ROBO2: variants seen among roughly 807,000 people sequenced by gnomAD.
The protein encoded by ROBO2 is roundabout homolog 2.
ROBO2 carries 53 observed loss-of-function variants against 160.8 expected under a neutral mutation model. That is an observed-to-expected ratio of 0.33 (90% CI 0.26 to 0.41). The LOEUF is 0.41. Ranked by LOEUF, ROBO2 falls within the 10% of genes least tolerant of loss-of-function variation. The pLI is 1.00. For missense variants in ROBO2, 1,577 were observed against 1,722.4 expected (o/e 0.92, Z 1.49); for synonymous variants, 664 against 611.7 (o/e 1.09, Z -1.26).
chr3:77,133,281 G>A (rs555229256), intron 2 of ROBO2, among the ~76,000 whole-genome samples: 12 of 152,212 alleles, frequency 7.9e-5, no homozygotes, highest in African/African-American at 2.6e-4. Flanking sequence ...TAGCGATGAG[G>A]CCACTGGGGA....
intron 2 of ROBO2, among the ~76,000 whole-genome samples, chr3:76,605,788 A>G (rs547022938): frequency 6.6e-5 from 10 of 151,946 alleles, no homozygotes; most frequent in African/African-American, 2.4e-4. Context: ...ATTTATGTAT[A>G]GGTAGATTTT....
At chr3:77,427,244 C>A (rs1348708807) in intron 2 of ROBO2, among the ~76,000 whole-genome samples, 1 of 152,110 alleles carries the variant, frequency 6.6e-6, no homozygotes, top group Non-Finnish European at 1.5e-5. Context: ...CATTGTCAGA[C>A]CACAGAACGC....
rs142290546 is a variant in ROBO2, at chr3:76,792,378, G to T, written c.110-305636G>T. ...ATCCCCTAATTTTGGTATCCTCGGG[G>T]GTCCTGGGACCCATCCCCTGCAGAT... On this transcript the variant is annotated intron_variant, in intron 2 of 26. Transcript: ENST00000487694. Among the ~76,000 whole-genome samples, 11 of 151,696 alleles carry T rather than the reference G, an allele frequency of 7.3e-5. No homozygotes were observed. The East Asian group carries it at 2.1e-3, about 30-fold the overall frequency.
intron 2 of ROBO2, among the ~76,000 whole-genome samples, chr3:76,272,767 T>A (rs1707539224): frequency 4.2e-5 from 2 of 47,094 alleles, no homozygotes; most frequent in African/African-American, 7.3e-5. Context: ...ATATAATATA[T>A]ATTTATATAT....
intron 23 of ROBO2, among the ~76,000 whole-genome samples, chr3:77,628,664 T>C (rs932071429): frequency 6.6e-6 from 1 of 152,184 alleles, no homozygotes; most frequent in African/African-American, 2.4e-5. Context: ...AATATGCCCA[T>C]TCCATACATC....
At chr3:77,023,281 G>T (rs1050092010) in intron 2 of ROBO2, among the ~76,000 whole-genome samples, 33 of 152,134 alleles carry the variant, frequency 2.2e-4, no homozygotes, top group African/African-American at 6.8e-4. Context: ...CTCCCACCAT[G>T]ATTGTGAGGC....
At chr3:76,927,038 C>T (rs9871838) in intron 2 of ROBO2, among the ~76,000 whole-genome samples, 69,084 of 151,762 alleles carry the variant, frequency 0.46, 16,115 homozygotes, top group African/African-American at 0.56. Context: ...AGATTACTGA[C>T]GGAAGACATG....
At chr3:76,963,552 T>G (rs1311492322) in intron 2 of ROBO2, among the ~76,000 whole-genome samples, 1 of 152,068 alleles carries the variant, frequency 6.6e-6, no homozygotes, top group Non-Finnish European at 1.5e-5. Context: ...CACAGAAAAT[T>G]TGGTCAATTA....
At chr3:75,951,845 G>T (rs947691791) in intron 2 of ROBO2, among the ~76,000 whole-genome samples, 2 of 151,870 alleles carry the variant, frequency 1.3e-5, no homozygotes, top group African/African-American at 4.8e-5. Context: ...ATTTTTATCT[G>T]ATAGCTCCCT....
intron 2 of ROBO2, among the ~76,000 whole-genome samples, chr3:76,691,797 T>C (rs1184412087): frequency 6.6e-6 from 1 of 151,876 alleles, no homozygotes; most frequent in Non-Finnish European, 1.5e-5. Context: ...GACCTGAAAA[T>C]GATGAGGCAA....
chr3:76,180,325 T>C (rs186063708), intron 2 of ROBO2, among the ~76,000 whole-genome samples: 126 of 152,312 alleles, frequency 8.3e-4, no homozygotes, highest in African/African-American at 2.8e-3. Flanking sequence ...TTGCTGATTC[T>C]GACTTTGCTG....
chr3:77,473,790 G>GT (rs2083654822), intron 2 of ROBO2, among the ~76,000 whole-genome samples: 1 of 152,072 alleles, frequency 6.6e-6, no homozygotes, highest in Non-Finnish European at 1.5e-5. Context: ...ATTTGGGGCT[G>GT]TTTTTTGTTA....
chr3:76,988,093 T>C (rs2060481718), intron 2 of ROBO2, among the ~76,000 whole-genome samples: 1 of 152,178 alleles, frequency 6.6e-6, no homozygotes, highest in South Asian at 2.1e-4. Flanking sequence ...TGCAACCAAT[T>C]TACTGATATG....
At chr3:76,955,615 C>CT (rs1293991071) in intron 2 of ROBO2, among the ~76,000 whole-genome samples, 9 of 152,100 alleles carry the variant, frequency 5.9e-5, no homozygotes, top group Non-Finnish European at 8.8e-5. Context: ...TATTAACCAT[C>CT]TTTTTATATT....
At chr3:76,038,065 C>T (rs1427598207) in intron 2 of ROBO2, among the ~76,000 whole-genome samples, 2 of 151,924 alleles carry the variant, frequency 1.3e-5, no homozygotes, top group Non-Finnish European at 1.5e-5. Flanking sequence ...AACTTGACCT[C>T]ATTTGTATTT....
At chr3:76,394,668 G>A (rs1288240420) in intron 2 of ROBO2, among the ~76,000 whole-genome samples, 1 of 151,980 alleles carries the variant, frequency 6.6e-6, no homozygotes, top group Non-Finnish European at 1.5e-5. Flanking sequence ...ATGTTGGCAG[G>A]GGTTGCAATC....
intron 2 of ROBO2, among the ~76,000 whole-genome samples, chr3:77,143,455 C>A (rs2076881944): frequency 6.6e-6 from 1 of 152,076 alleles, no homozygotes; most frequent in African/African-American, 2.4e-5. Flanking sequence ...CTCAGCCTCC[C>A]AAAGTACTGG....
At chr3:76,104,287 C>CT (rs2069828695) in intron 2 of ROBO2, among the ~76,000 whole-genome samples, 1 of 152,172 alleles carries the variant, frequency 6.6e-6, no homozygotes, top group African/African-American at 2.4e-5. Flanking sequence ...AGTCAAAGTA[C>CT]TGAAGCCAGA....
intron 2 of ROBO2, among the ~76,000 whole-genome samples, chr3:76,197,561 T>G (rs1702321239): frequency 6.6e-6 from 1 of 152,224 alleles, no homozygotes; most frequent in Non-Finnish European, 1.5e-5. Context: ...GATTTGGATC[T>G]GGGACTGGAT....
Sources: gnomAD v4.1 joint callset for allele counts (sites outside exome capture counted in the v4.1 genomes callset) on GRCh38, gnomAD v4.1.1 for gene constraint, MANE v1.5 for transcripts, NCBI Gene and HGNC (gene_info 2026-07-23, HGNC 2026-07-21) for gene names.